SAMD3: variants seen among roughly 807,000 people sequenced by gnomAD.
SAMD3 encodes sterile alpha motif domain containing 3.
Under a neutral mutation model 58.5 loss-of-function variants are expected in SAMD3, and 63 were observed. The ratio of observed to expected loss-of-function variants is 1.08; its 90% CI spans 0.88 to 1.33. The LOEUF is 1.33. Ranked by LOEUF, SAMD3 falls within the 40% of genes most tolerant of loss-of-function variation. The pLI, the probability that SAMD3 is intolerant of heterozygous loss-of-function variation, is 0.00. For missense variants in SAMD3, 604 were observed against 608.4 expected (o/e 0.99, Z 0.08); for synonymous variants, 220 against 210.3 (o/e 1.05, Z -0.40).
intron 2 of SAMD3, among the ~76,000 whole-genome samples, chr6:130,246,510 A>ATTT (rs11356571): frequency 6.8e-6 from 1 of 147,946 alleles, no homozygotes; most frequent in Admixed American, 6.7e-5. Flanking sequence ...TTGTATTGGT[A>ATTT]TTTTTTTTTT....
chr6:130,230,210 T>C (rs1025616512), intron 2 of SAMD3, among the ~76,000 whole-genome samples: 33 of 152,264 alleles, frequency 2.2e-4, no homozygotes, highest in African/African-American at 7.9e-4. Flanking sequence ...TGGAACTCTT[T>C]GCACCTCGAG....
intron 7 of SAMD3, among the ~76,000 whole-genome samples, chr6:130,182,147 T>C (rs1377058293): frequency 2.0e-5 from 3 of 151,916 alleles, no homozygotes; most frequent in Admixed American, 6.6e-5. Flanking sequence ...GTATCTCCAG[T>C]GTAGAAGAAA....
At chr6:130,211,428 C>T (rs992174048) in intron 4 of SAMD3, among the ~76,000 whole-genome samples, 2 of 151,742 alleles carry the variant, frequency 1.3e-5, no homozygotes, top group Non-Finnish European at 2.9e-5. Context: ...GGATTACAGG[C>T]ACCCGCCACC....
chr6:130,260,987 C>T (rs149885653), intron 2 of SAMD3, among the ~76,000 whole-genome samples: 174 of 151,494 alleles, frequency 1.1e-3, no homozygotes, highest in Non-Finnish European at 2.1e-3. Context: ...GGTTTTGACT[C>T]GGTTTGAATT....
At chr6:130,208,398 G>C (rs1205375014) in intron 5 of SAMD3, among the ~76,000 whole-genome samples, 2 of 152,200 alleles carry the variant, frequency 1.3e-5, no homozygotes, top group Non-Finnish European at 2.9e-5. Flanking sequence ...ACACAGACTG[G>C]TTCATGGCCT....
At chr6:130,262,584 G>GAA (rs143157089) in intron 2 of SAMD3, among the ~76,000 whole-genome samples, 65 of 143,644 alleles carry the variant, frequency 4.5e-4, no homozygotes, top group African/African-American at 1.0e-3. Context: ...CCAGGTAATT[G>GAA]AAAAAAAAAA....
At chr6:130,285,487 G>T (rs1407426591) in intron 2 of SAMD3, among the ~76,000 whole-genome samples, 1 of 152,176 alleles carries the variant, frequency 6.6e-6, no homozygotes, top group Admixed American at 6.5e-5. Context: ...ATGTGTTCAT[G>T]AGAGGTCATG....
intron 2 of SAMD3, among the ~76,000 whole-genome samples, chr6:130,298,568 G>A (rs576046287): frequency 1.3e-5 from 2 of 152,218 alleles, no homozygotes; most frequent in Non-Finnish European, 2.9e-5. Flanking sequence ...TAAGAGAAAA[G>A]TTTATAGCAC....
intron 1 of SAMD3, among the ~76,000 whole-genome samples, chr6:130,355,635 CAG>C (rs1457832579): frequency 2.0e-5 from 3 of 152,096 alleles, no homozygotes; most frequent in Non-Finnish European, 2.9e-5. Context: ...CATTTTCAAA[CAG>C]AAAAATGCTA....
intron 2 of SAMD3, among the ~76,000 whole-genome samples, chr6:130,231,919 A>G (rs1050009060): frequency 2.0e-5 from 3 of 152,340 alleles, no homozygotes; most frequent in Admixed American, 6.5e-5. Context: ...GAAGTGTTCT[A>G]TATCTGCATT....
chr6:130,201,731 G>T (rs762688646), intron 5 of SAMD3, among the ~76,000 whole-genome samples: 2 of 152,132 alleles, frequency 1.3e-5, no homozygotes, highest in Non-Finnish European at 1.5e-5. Context: ...TCAGGTGTTT[G>T]TACACTTGCA....
intron 9 of SAMD3, among the ~76,000 whole-genome samples, chr6:130,150,852 CAGGTGT>C (rs1789102645): frequency 2.0e-5 from 3 of 151,976 alleles, no homozygotes; most frequent in Admixed American, 2.0e-4. Flanking sequence ...GCTGGGATTA[CAGGTGT>C]GTGCCACCAC....
intron 2 of SAMD3, among the ~76,000 whole-genome samples, chr6:130,234,710 G>A (rs1796634573): frequency 6.6e-6 from 1 of 152,186 alleles, no homozygotes; most frequent in African/African-American, 2.4e-5. Context: ...CCTACAGATA[G>A]GAAATGGGTG....
chr6:130,199,064 G>A (rs1794406898), intron 5 of SAMD3, among the ~76,000 whole-genome samples: 1 of 152,154 alleles, frequency 6.6e-6, no homozygotes, highest in Non-Finnish European at 1.5e-5. Context: ...ATTACTTTCT[G>A]GTCCTCCAGG....
intron 2 of SAMD3, among the ~76,000 whole-genome samples, chr6:130,300,401 T>TC (rs1775706537): frequency 6.6e-6 from 1 of 150,812 alleles, no homozygotes; most frequent in Non-Finnish European, 1.5e-5. Context: ...GATAAAAAAA[T>TC]CCAATGTCTC....
At chr6:130,153,699 A>C (rs1245865011) in intron 9 of SAMD3, among the ~76,000 whole-genome samples, 2 of 116,924 alleles carry the variant, frequency 1.7e-5, no homozygotes, top group African/African-American at 5.6e-5. Context: ...AATTTGAGAC[A>C]GGGTCTCACT....
intron 2 of SAMD3, among the ~76,000 whole-genome samples, chr6:130,308,393 CT>C (rs1164019116): frequency 1.4e-5 from 2 of 146,100 alleles, no homozygotes; most frequent in African/African-American, 5.2e-5. Context: ...CTATTCTATT[CT>C]ATTCTATTCT....
intron 2 of SAMD3, 137 bp from the exon 3 acceptor site, chr6:130,215,431 T>C (rs1795949188): frequency 8.0e-7 from 1 of 1,254,016 alleles, no homozygotes; most frequent in African/African-American, 1.5e-5. Flanking sequence ...TTACTATTTT[T>C]ACAATGTACA....
At chr6:130,217,407 T>A (rs76542576) in intron 1 of SAMD3, among the ~76,000 whole-genome samples, 8,854 of 152,254 alleles carry the variant, frequency 0.058, 396 homozygotes, top group African/African-American at 0.12. Flanking sequence ...TGAATAGTGG[T>A]ATCATTTTTA....
Sources: gnomAD v4.1 joint callset for allele counts (sites outside exome capture counted in the v4.1 genomes callset) on GRCh38, gnomAD v4.1.1 for gene constraint, MANE v1.5 for transcripts, NCBI Gene and HGNC (gene_info 2026-07-23, HGNC 2026-07-21) for gene names.